ATRN: variants seen among roughly 807,000 people sequenced by gnomAD.
The protein encoded by ATRN is attractin.
Under a neutral mutation model 178.7 loss-of-function variants are expected in ATRN, and 54 were observed. The observed-to-expected ratio is 0.30, with a 90% CI of 0.24 to 0.38. ATRN has a LOEUF of 0.38. Ranked by LOEUF, ATRN falls within the 10% of genes least tolerant of loss-of-function variation. ATRN has a pLI of 1.00. For synonymous variants in ATRN, 636 were observed against 663.0 expected (o/e 0.96, Z 0.63); for missense variants, 1,443 against 1,815.1 (o/e 0.79, Z 3.73).
intron 3 of ATRN, among the ~76,000 whole-genome samples, chr20:3,543,745 A>C (rs1031351825): frequency 1.3e-5 from 2 of 150,372 alleles, no homozygotes; most frequent in African/African-American, 4.9e-5. Context: ...AAAAAAATGA[A>C]TGAAGGGCCA....
intron 24 of ATRN, among the ~76,000 whole-genome samples, chr20:3,607,699 T>A (rs941300821): frequency 6.6e-6 from 1 of 152,228 alleles, no homozygotes; most frequent in Non-Finnish European, 1.5e-5. Context: ...GCATGCAGTA[T>A]CTCTCCAGTA....
intron 6 of ATRN, among the ~76,000 whole-genome samples, chr20:3,558,432 C>G (rs1281193214): frequency 6.6e-6 from 1 of 151,640 alleles, no homozygotes; most frequent in Non-Finnish European, 1.5e-5. Context: ...TACCTTTATG[C>G]TTATATATGA....
At chr20:3,612,575 T>C (rs2086781550) in intron 24 of ATRN, among the ~76,000 whole-genome samples, 1 of 152,154 alleles carries the variant, frequency 6.6e-6, no homozygotes, top group African/African-American at 2.4e-5. Flanking sequence ...GTTTCTCCGA[T>C]CCGAAAGAGG....
chr20:3,600,469 G>A (rs1207949280), intron 22 of ATRN, among the ~76,000 whole-genome samples: 1 of 151,992 alleles, frequency 6.6e-6, no homozygotes, highest in Non-Finnish European at 1.5e-5. Context: ...TTCCAGTTTT[G>A]GAGAAGTTTT....
At chr20:3,489,649 T>G (rs1283939336) in intron 1 of ATRN, 1 of 1,494,876 alleles carries the variant, frequency 6.7e-7, no homozygotes, top group Non-Finnish European at 9.3e-7. Flanking sequence ...TTCTGCAATT[T>G]GAATTTGGCC....
At position 3,597,059 on chromosome 20, in the gene ATRN, C is replaced by CAG. The variant is rs1600142721; in HGVS notation, c.3469+631_3469+632insGA. 1.2e-4 allele frequency among the ~76,000 whole-genome samples: 3 copies of CAG among 24,364 alleles called. No individual in the cohort carries two copies. The East Asian group carries it at 0.031, about 254-fold the overall frequency. The allele number at this position is 24,364 out of a possible 152,430, so 16.0% of individuals were successfully genotyped here. Reference sequence around the variant, plus strand: ...CACTTGGAACCTGTGAATATGACTTCATATATATATATATAAAACTTCTAA... The same window carrying CAG: ...CACTTGGAACCTGTGAATATGACTTCAGATATATATATATATAAAACTTCTAA... On this transcript the variant is annotated intron_variant, in intron 21 of 28. Transcript: ENST00000262919.
chr20:3,535,390 G>A, intron 2 of ATRN, 54 bp downstream of exon 2: 5 of 966,836 alleles, frequency 5.2e-6, no homozygotes, highest in Non-Finnish European at 7.4e-6. Flanking sequence ...AAGTCAGTGT[G>A]ACATTAGTTT....
chr20:3,481,876 G>T (rs1297165382), intron 1 of ATRN, among the ~76,000 whole-genome samples: 1 of 136,808 alleles, frequency 7.3e-6, no homozygotes, highest in Non-Finnish European at 1.6e-5. Context: ...ATTTCTCTTG[G>T]TCCTTTTTGT....
chr20:3,591,196 G>A lies in ATRN; in HGVS notation c.3212G>A (p.Cys1071Tyr). 1 of 1,614,124 alleles carries A rather than the reference G, an allele frequency of 6.2e-7. No individual in the cohort carries two copies. Among genetic ancestry groups the A allele is most frequent in the Non-Finnish European group, 8.5e-7 (1 of 1,179,974 alleles). The part of the protein sequence containing the change: ...PACQCNGHSK[C>Y]INQSICEKCE... ...TGCCAATGCAACGGCCACAGTAAAT[G>A]CATCAATCAGAGCATCTGTGAGAAG... Residue 1071 changes from cysteine to tyrosine, a missense_variant, in exon 19 of 29, where the codon TGC becomes TAC. Physicochemically the swap from Cys to Tyr is radical, Grantham distance 194. Transcript: ENST00000262919.
chr20:3,514,282 C>G (rs936028161), intron 1 of ATRN, among the ~76,000 whole-genome samples: 18 of 152,212 alleles, frequency 1.2e-4, no homozygotes, highest in Admixed American at 1.2e-3. Context: ...CCAGTCAATT[C>G]TTCCCAACTA....
intron 24 of ATRN, among the ~76,000 whole-genome samples, chr20:3,606,959 C>T (rs1395863013): frequency 1.3e-5 from 2 of 152,120 alleles, no homozygotes; most frequent in African/African-American, 4.8e-5. Flanking sequence ...ATCATTTGAT[C>T]CTAGTGTCTT....
chr20:3,603,383 G>A (rs1402467279), intron 23 of ATRN, among the ~76,000 whole-genome samples: 1 of 152,162 alleles, frequency 6.6e-6, no homozygotes, highest in African/African-American at 2.4e-5. Context: ...TTGTTAATAG[G>A]ATTCTAGTGG....
Position 3,583,966 on chromosome 20 carries a change from G to A in ATRN, c.2833G>A (p.Gly945Ser). The A allele has an allele frequency of 2.5e-6, 4 of 1,614,162 alleles. No individual in the cohort carries two copies. Among genetic ancestry groups the A allele is most frequent in the South Asian group, 2.2e-5 (2 of 91,086 alleles). Residue 945 changes from glycine (G) to serine (S), a missense_variant, in exon 17 of 29, where the codon GGC becomes AGC. Gly to Ser is a moderately conservative substitution (Grantham distance 56, BLOSUM62 0). Transcript: ENST00000262919. ...LRTACGDCTSGSSECMWCSNM... is the reference protein window; with the variant it reads ...LRTACGDCTSSSSECMWCSNM... ...GACAGCATGTGGAGATTGCACCAGC[G>A]GCAGCTCTGAGTGCATGTGGTGCAG... is the stretch of plus-strand genomic sequence containing the variant.
chr20:3,559,915 C>CT (rs1228224275), intron 7 of ATRN, among the ~76,000 whole-genome samples: 10 of 152,126 alleles, frequency 6.6e-5, no homozygotes, highest in Admixed American at 5.9e-4. Context: ...TCCAAGAAAA[C>CT]TGGTGAAGTA....
chr20:3,642,090 C>G (rs1166499618), intron 27 of ATRN, among the ~76,000 whole-genome samples: 1 of 152,198 alleles, frequency 6.6e-6, no homozygotes, highest in Non-Finnish European at 1.5e-5. Context: ...CACACACTTG[C>G]CTTCTAGCTG....
At chr20:3,551,865 A>T (rs1358956484) in intron 6 of ATRN, among the ~76,000 whole-genome samples, 2 of 152,122 alleles carry the variant, frequency 1.3e-5, no homozygotes, top group Admixed American at 1.3e-4. Flanking sequence ...TTTTCTGTAG[A>T]TCAGTGCTGT....
chr20:3,588,365 T>C (rs1264673419), intron 18 of ATRN, among the ~76,000 whole-genome samples: 2 of 152,214 alleles, frequency 1.3e-5, no homozygotes, highest in African/African-American at 4.8e-5. Context: ...TTTCCTTCTA[T>C]TCTAGTTTTT....
At chr20:3,621,051 A>G (rs1317094397) in intron 24 of ATRN, among the ~76,000 whole-genome samples, 1 of 152,120 alleles carries the variant, frequency 6.6e-6, no homozygotes, top group African/African-American at 2.4e-5. Context: ...GTGGCCAAAG[A>G]CAATTCTTCC....
In ATRN at chr20:3,646,983, C is replaced by A; in HGVS notation, c.*136C>A. ...GAAACCCTCAAAGCATCTGACTCAC[C>A]TGCATGATCACAAGCTTTCTTTGAC... On this transcript the variant is annotated 3_prime_UTR_variant, in exon 29 of 29. Coordinates refer to ENST00000262919, the MANE Select transcript of ATRN (RefSeq NM_139321.3). 8.6e-7 allele frequency: 1 copy of A among 1,162,390 alleles called. No individual in the cohort carries two copies. Among genetic ancestry groups the A allele is most frequent in the Non-Finnish European group, 1.2e-6 (1 of 859,348 alleles). The allele number at this position is 1,162,390 out of a possible 1,614,324, so 72.0% of individuals were successfully genotyped here.
Sources: allele counts gnomAD v4.1 joint callset (sites outside exome capture counted in the v4.1 genomes callset), GRCh38; gene constraint gnomAD v4.1.1; transcripts MANE v1.5; gene names NCBI Gene and HGNC (gene_info 2026-07-23, HGNC 2026-07-21).